The following TLL1 variants were observed in gnomAD, a reference collection of about 807,000 sequenced individuals.
TLL1 encodes the protein tolloid like 1.
Under a neutral mutation model 128.2 loss-of-function variants are expected in TLL1, and 49 were observed. The observed-to-expected ratio is 0.38, with a 90% confidence interval of 0.30 to 0.48. The LOEUF is 0.48. Among genes scored for constraint, TLL1 ranks in the 20% least tolerant of loss-of-function variants. The pLI is 0.96. For missense variants in TLL1, 1,123 were observed against 1,242.0 expected, an observed-to-expected ratio of 0.90 and a Z score of 1.44; for synonymous variants, 454 against 418.8, an observed-to-expected ratio of 1.08 and a Z score of -1.03.
chr4:165,981,628 T>G (rs542408535), intron 1 of TLL1, among the ~76,000 whole-genome samples: 163 of 152,176 alleles, frequency 1.1e-3, no homozygotes, highest in Non-Finnish European at 1.8e-3. Flanking sequence ...TACTTAGTAT[T>G]CATGTGTATA....
At chr4:166,053,100 C>T (rs1219711260) in intron 12 of TLL1, 1 of 151,316 alleles carries the variant, frequency 6.6e-6, no homozygotes, top group Non-Finnish European at 1.5e-5. Flanking sequence ...ATTGTACACT[C>T]ACAAAAATAA....
intron 19 of TLL1, among the ~76,000 whole-genome samples, chr4:166,098,048 C>T (rs1302486414): frequency 6.6e-6 from 1 of 151,912 alleles, no homozygotes; most frequent in Non-Finnish European, 1.5e-5. Context: ...AGTTATAGGG[C>T]TCTGGCCAGG....
At chr4:165,901,245 C>A (rs1489034309) in intron 1 of TLL1, among the ~76,000 whole-genome samples, 2 of 152,100 alleles carry the variant, frequency 1.3e-5, no homozygotes, top group African/African-American at 4.8e-5. Context: ...TCTGTCAATT[C>A]ATCAAACTCA....
chr4:166,000,849 T>G (rs1388053861), intron 5 of TLL1, among the ~76,000 whole-genome samples: 1 of 152,200 alleles, frequency 6.6e-6, no homozygotes, highest in African/African-American at 2.4e-5. Flanking sequence ...CAAATTTCAT[T>G]GATTCCTCTT....
chr4:165,925,978 C>T (rs1234562963), intron 1 of TLL1, among the ~76,000 whole-genome samples: 1 of 152,106 alleles, frequency 6.6e-6, no homozygotes, highest in Non-Finnish European at 1.5e-5. Flanking sequence ...AATTCTATTG[C>T]ACACTTAATA....
At chr4:165,907,789 C>T (rs2110865511) in intron 1 of TLL1, among the ~76,000 whole-genome samples, 1 of 152,300 alleles carries the variant, frequency 6.6e-6, no homozygotes, top group East Asian at 1.9e-4. Flanking sequence ...CTCAAGTGAT[C>T]CACCCGCCTT....
intron 1 of TLL1, among the ~76,000 whole-genome samples, chr4:165,933,626 T>A (rs903286129): frequency 6.6e-6 from 1 of 152,118 alleles, no homozygotes; most frequent in African/African-American, 2.4e-5. Context: ...GTATCCCAAA[T>A]GTCATCTTTG....
At position 166,101,010 on chromosome 4, in the gene TLL1, A is replaced by G. The variant is rs779020759; in HGVS notation, c.*134A>G. 1.3e-4 allele frequency: 145 copies of G among 1,158,090 alleles called. No homozygotes were observed. Among genetic ancestry groups the G allele is most frequent in the Non-Finnish European group, 1.6e-4 (129 of 818,324 alleles). 71.7% of individuals were successfully genotyped at this position (1,158,090 alleles called of 1,614,324 possible). A position where few individuals can be genotyped will look rare whatever the true frequency, so the allele number is the denominator to read the frequency against. On this transcript the variant is annotated 3_prime_UTR_variant, in exon 21 of 21. Transcript: ENST00000061240. Reference sequence around the variant, plus strand: ...AAAAAATCCCTGTAAGACCAGAATTATCTTTGTACTAAAAGAGAAGTTTCC... The same window carrying G: ...AAAAAATCCCTGTAAGACCAGAATTGTCTTTGTACTAAAAGAGAAGTTTCC...
chr4:165,980,753 A>G (rs1219885904), intron 1 of TLL1, among the ~76,000 whole-genome samples: 3 of 152,096 alleles, frequency 2.0e-5, no homozygotes, highest in African/African-American at 7.2e-5. Flanking sequence ...AGTTGTTAAG[A>G]GAGCCTACTT....
At chr4:166,061,251 CTT>C (rs1176866599) in intron 15 of TLL1, among the ~76,000 whole-genome samples, 1 of 41,992 alleles carries the variant, frequency 2.4e-5, no homozygotes, top group Non-Finnish European at 4.3e-5. Context: ...TTTTTTTTTT[CTT>C]TTTTTTTTTT....
chr4:165,946,952 T>C (rs952469353), intron 1 of TLL1, among the ~76,000 whole-genome samples: 2 of 152,152 alleles, frequency 1.3e-5, no homozygotes, highest in African/African-American at 4.8e-5. Flanking sequence ...CTTGTAGTTA[T>C]GTTGCAAGCA....
At chr4:166,039,514 CAA>C in intron 10 of TLL1, 73 bp downstream of exon 10, 3 of 1,054,738 alleles carry the variant, frequency 2.8e-6, no homozygotes, top group Non-Finnish European at 4.4e-6. Context: ...CCGATTCTCT[CAA>C]GAGTCATCGT....
Position 166,101,910 on chromosome 4 carries a change from A to T in TLL1, c.*1034A>T, listed in dbSNP as rs1161136446. 2.0e-5 allele frequency: 3 copies of T among 152,306 alleles called. No homozygotes were observed. The highest frequency in any genetic ancestry group is 4.4e-5 in the Non-Finnish European group (3 of 67,914). 9.4% of individuals were successfully genotyped at this position (152,306 alleles called of 1,614,324 possible). On this transcript the variant is annotated 3_prime_UTR_variant, in exon 21 of 21. Transcript: ENST00000061240. ...TCTCTTTCATTTTTCTCTTCCTGGG[A>T]TTCATTTTTTCAAAACACAATGCTG...
intron 1 of TLL1, among the ~76,000 whole-genome samples, chr4:165,932,071 A>G (rs533520544): frequency 1.3e-5 from 2 of 152,218 alleles, no homozygotes; most frequent in East Asian, 1.9e-4. Context: ...TTCTTCGCCT[A>G]CTCTGGAATT....
chr4:165,875,828 T>C (rs1453748866), intron 1 of TLL1, among the ~76,000 whole-genome samples: 1 of 152,128 alleles, frequency 6.6e-6, no homozygotes, highest in Non-Finnish European at 1.5e-5. Flanking sequence ...TTCAAGCAGA[T>C]AAGTATTTGC....
At chr4:166,077,508 A>C (rs1399885689) in intron 17 of TLL1, among the ~76,000 whole-genome samples, 1 of 152,286 alleles carries the variant, frequency 6.6e-6, no homozygotes, top group Non-Finnish European at 1.5e-5. Flanking sequence ...CCTTTATAGG[A>C]AAAAAATTGA....
At chr4:166,074,054 A>C (rs540774547) in intron 16 of TLL1, among the ~76,000 whole-genome samples, 1 of 152,190 alleles carries the variant, frequency 6.6e-6, no homozygotes, top group South Asian at 2.1e-4. Flanking sequence ...ACATAGAGTG[A>C]TGGTTGATGC....
rs140919394 is a variant in TLL1 at position 166,104,085 on chromosome 4, G to T, written c.*3209G>T. Among the ~76,000 whole-genome samples the T allele has an allele frequency of 6.6e-6, 1 of 151,690 alleles. No homozygotes were observed. The highest frequency in any genetic ancestry group is 6.6e-5 in the Admixed American group (1 of 15,204). On this transcript the variant is annotated 3_prime_UTR_variant, in exon 21 of 21. Coordinates refer to ENST00000061240, the MANE Select transcript of TLL1 (RefSeq NM_012464.5). ...TGTCACAGTATGAGATTCAAATTCT[G>T]TTTAACTTTGTTTTAAAATAGCTTG...
intron 5 of TLL1, among the ~76,000 whole-genome samples, chr4:165,999,754 A>G (rs1458892175): frequency 2.0e-5 from 3 of 152,012 alleles, no homozygotes; most frequent in African/African-American, 7.2e-5. Context: ...GATTACAAGC[A>G]TGAGCCACCA....
Sources: allele counts gnomAD v4.1 joint callset (sites outside exome capture counted in the v4.1 genomes callset), GRCh38; gene constraint gnomAD v4.1.1; transcripts MANE v1.5; gene names NCBI Gene and HGNC (gene_info 2026-07-23, HGNC 2026-07-21).